TSPAN11: variants seen among roughly 807,000 people sequenced by gnomAD.
TSPAN11 encodes tetraspanin-11.
In TSPAN11, 29 loss-of-function variants were observed where a neutral mutation model predicts 32.9. That is an observed-to-expected ratio of 0.88 (90% CI 0.66 to 1.20). The LOEUF is 1.20. Among genes scored for constraint, TSPAN11 ranks in the 50% most tolerant of loss-of-function variants. TSPAN11 has a pLI of 0.00. For synonymous variants in TSPAN11, 140 were observed against 141.3 expected (o/e 0.99, Z 0.07); for missense variants, 283 against 329.1 (o/e 0.86, Z 1.08).
At chr12:30,969,426 C>A (rs1461914230) in intron 3 of TSPAN11, among the ~76,000 whole-genome samples, 2 of 152,230 alleles carry the variant, frequency 1.3e-5, no homozygotes, top group Non-Finnish European at 2.9e-5. Context: ...CCCGACCCCT[C>A]TCCAGCATGA....
intron 3 of TSPAN11, among the ~76,000 whole-genome samples, chr12:30,965,972 C>T (rs557885825): frequency 6.6e-6 from 1 of 151,984 alleles, no homozygotes; most frequent in Non-Finnish European, 1.5e-5. Flanking sequence ...GAATGCGGCC[C>T]AACACAAATC....
chr12:31,009,484 C>A, the TSPAN11 span, among the ~76,000 whole-genome samples: 1 of 152,150 alleles, frequency 6.6e-6, no homozygotes, highest in Non-Finnish European at 1.5e-5. Context: ...TGATGCTGGG[C>A]ACAGAGGGAA....
chr12:30,982,792 G>C, intron 6 of TSPAN11, 102 bp downstream of exon 6: 1 of 1,450,766 alleles, frequency 6.9e-7, no homozygotes, highest in Non-Finnish European at 9.2e-7. Flanking sequence ...GGGAAAAGCA[G>C]GACACATGTG....
intron 1 of TSPAN11, among the ~76,000 whole-genome samples, chr12:30,934,085 C>T (rs932212126): frequency 6.6e-6 from 1 of 152,362 alleles, no homozygotes; most frequent in Admixed American, 6.5e-5. Flanking sequence ...ACTGTGGATG[C>T]TGGCTTTCAG....
chr12:31,008,483 G>T, the TSPAN11 span, among the ~76,000 whole-genome samples: 3 of 152,200 alleles, frequency 2.0e-5, no homozygotes, highest in Non-Finnish European at 4.4e-5. Flanking sequence ...CTGAAGCAGG[G>T]CAGCCATGAG....
intron 4 of TSPAN11, chr12:30,978,949 G>A: frequency 2.6e-6 from 1 of 378,408 alleles, no homozygotes; most frequent in Non-Finnish European, 4.8e-6. Context: ...AGACATCCAA[G>A]AAGAAAGGCC....
intron 4 of TSPAN11, 36 bp from the exon 5 acceptor site, chr12:30,979,530 T>A: frequency 6.2e-7 from 1 of 1,603,258 alleles, no homozygotes. Flanking sequence ...GTGGGGCTGG[T>A]CCCGCTGATG....
At position 30,992,835 on chromosome 12, in the gene TSPAN11, A is replaced by C. The variant is rs1939343255; in HGVS notation, c.*920A>C. 6.6e-6 allele frequency: 1 copy of C among 152,334 alleles called. No homozygotes were observed. The highest frequency in any genetic ancestry group is 1.5e-5 in the Non-Finnish European group (1 of 68,152). The allele number at this position is 152,334 out of a possible 1,614,324, so 9.4% of individuals were successfully genotyped here. ...GCTGAGAAGGGGCAGCTCTGAATAG[A>C]GGGGCATCTGCCTGAACCTCACTTT... On this transcript the variant is annotated 3_prime_UTR_variant, in exon 8 of 8. Coordinates refer to ENST00000546076, the MANE Select transcript of TSPAN11 (RefSeq NM_001370302.1).
chr12:30,958,634 G>A (rs1039918678), intron 2 of TSPAN11, among the ~76,000 whole-genome samples: 8 of 152,264 alleles, frequency 5.3e-5, no homozygotes, highest in African/African-American at 1.4e-4. Context: ...GTTCAGACCT[G>A]GTCTCCCAGT....
intron 1 of TSPAN11, among the ~76,000 whole-genome samples, chr12:30,938,353 C>T (rs7311437): frequency 0.017 from 2,646 of 152,298 alleles, 70 homozygotes; most frequent in African/African-American, 0.06. Flanking sequence ...ACTGCTCACC[C>T]ACTATATACT....
chr12:30,989,929 G>T (rs1939277690), intron 7 of TSPAN11, among the ~76,000 whole-genome samples: 2 of 152,122 alleles, frequency 1.3e-5, no homozygotes, highest in Admixed American at 1.3e-4. Context: ...CATGTGGCTG[G>T]GCCTCCAAGC....
chr12:30,995,624 T>C lies in TSPAN11; in HGVS notation c.*3709T>C. On this transcript the variant is annotated 3_prime_UTR_variant, in exon 8 of 8. Transcript: ENST00000546076. ...AGGCTGGAGAAGTGAGTTGGGACAG[T>C]CACTGTCATCACCACCCACCCTGTC... The C allele has an allele frequency of 6.6e-6, 1 of 152,198 alleles. No homozygotes were observed. The highest frequency in any genetic ancestry group is 1.5e-5 in the Non-Finnish European group (1 of 68,016). The allele number at this position is 152,198 out of a possible 1,614,324, so 9.4% of individuals were successfully genotyped here.
chr12:31,006,869 T>C, the TSPAN11 span, among the ~76,000 whole-genome samples: 3 of 152,378 alleles, frequency 2.0e-5, no homozygotes, highest in Non-Finnish European at 4.4e-5. Flanking sequence ...AATATATGTT[T>C]CTGCCATAGG....
the TSPAN11 span, among the ~76,000 whole-genome samples, chr12:31,001,882 G>A: frequency 3.9e-5 from 6 of 152,178 alleles, no homozygotes; most frequent in African/African-American, 1.4e-4. Flanking sequence ...CTCCGCTTGT[G>A]TGACTGGGGC....
intron 1 of TSPAN11, among the ~76,000 whole-genome samples, chr12:30,951,780 T>C (rs1462354691): frequency 1.3e-5 from 2 of 152,178 alleles, no homozygotes; most frequent in African/African-American, 4.8e-5. Context: ...CTGACACTTC[T>C]TTGGAGCCTC....
intron 3 of TSPAN11, among the ~76,000 whole-genome samples, chr12:30,974,712 C>T (rs1449605253): frequency 1.3e-5 from 2 of 152,160 alleles, no homozygotes; most frequent in Non-Finnish European, 2.9e-5. Context: ...CACAGTCATG[C>T]TAGGGGACAG....
rs939205974 is a variant in TSPAN11 at position 30,992,050 on chromosome 12, C to A, written c.*135C>A. 21 of 944,312 alleles carry A rather than the reference C, an allele frequency of 2.2e-5. No homozygotes were observed. The African/African-American group carries it at 3.9e-4, about 18-fold the overall frequency. The allele number at this position is 944,312 out of a possible 1,614,324, so 58.5% of individuals were successfully genotyped here. On this transcript the variant is annotated 3_prime_UTR_variant, in exon 8 of 8. Coordinates refer to ENST00000546076, the MANE Select transcript of TSPAN11 (RefSeq NM_001370302.1). ...TCCTTTGTGCCTAGCTCCTGCGAAT[C>A]CACCGAGTGCCTGAGACCATAGCTT... is the stretch of plus-strand genomic sequence containing the variant.
intron 1 of TSPAN11, among the ~76,000 whole-genome samples, chr12:30,952,352 C>T (rs1938399091): frequency 6.6e-6 from 1 of 152,206 alleles, no homozygotes; most frequent in South Asian, 2.1e-4. Context: ...ATTAGATCCC[C>T]TGGCCGACCC....
chr12:30,944,451 A>G (rs11051178), intron 1 of TSPAN11, among the ~76,000 whole-genome samples: 5,800 of 152,226 alleles, frequency 0.038, 311 homozygotes, highest in East Asian at 0.25. Flanking sequence ...TTTAGATTTC[A>G]CATGTGAGTA....
Sources: allele counts gnomAD v4.1 joint callset (sites outside exome capture counted in the v4.1 genomes callset), GRCh38; gene constraint gnomAD v4.1.1; transcripts MANE v1.5; gene names NCBI Gene and HGNC (gene_info 2026-07-23, HGNC 2026-07-21).